SMARCA1: variants seen among roughly 807,000 people sequenced by gnomAD.
SMARCA1 encodes the protein SWI/SNF-related matrix-associated actin-dependent regulator of chromatin subfamily A member 1.
SMARCA1 carries 17 observed loss-of-function variants against 93.6 expected under a neutral mutation model. The observed-to-expected ratio is 0.18, with a 90% CI of 0.12 to 0.27. The LOEUF is 0.27. SMARCA1 is among the 10% of genes least tolerant of loss of function. The probability of loss-of-function intolerance (pLI) is 1.00; values close to 1 mark genes in which losing one functional copy is unlikely to be tolerated. For synonymous variants in SMARCA1, 271 were observed against 271.4 expected (o/e 1.00, Z 0.01); for missense variants, 630 against 819.0 (o/e 0.77, Z 2.82).
intron 23 of SMARCA1, among the ~76,000 whole-genome samples, chrX:129,451,215 C>T (rs929319012): frequency 8.9e-6 from 1 of 111,841 alleles, no homozygotes; most frequent in Non-Finnish European, 1.9e-5. Flanking sequence ...TTCTCCATAG[C>T]TTCATTCAAT....
chrX:129,486,782 G>C (rs1933905742), intron 17 of SMARCA1, among the ~76,000 whole-genome samples: 1 of 107,299 alleles, frequency 9.3e-6, no homozygotes, highest in Admixed American at 1.0e-4. Context: ...AGTAGTAGTA[G>C]TAGCAGCAGC....
intron 23 of SMARCA1, among the ~76,000 whole-genome samples, chrX:129,461,419 C>T (rs1184716025): frequency 8.9e-6 from 1 of 111,743 alleles, no homozygotes; most frequent in Admixed American, 9.5e-5. Context: ...ATTTTGGGTA[C>T]TCTTTCCACA....
intron 23 of SMARCA1, among the ~76,000 whole-genome samples, chrX:129,456,842 C>G (rs1014348047): frequency 8.9e-6 from 1 of 112,144 alleles, no homozygotes; most frequent in Non-Finnish European, 1.9e-5. Flanking sequence ...GGGAAGGCAT[C>G]TACTCCTGGT....
At chrX:129,454,960 T>TA (rs1932531060) in intron 23 of SMARCA1, among the ~76,000 whole-genome samples, 1 of 111,726 alleles carries the variant, frequency 9.0e-6, no homozygotes, top group African/African-American at 3.3e-5. Context: ...AAACAACAGA[T>TA]GCTGGAGAGG....
At chrX:129,492,797 G>C (rs1236523617) in intron 13 of SMARCA1, among the ~76,000 whole-genome samples, 2 of 111,276 alleles carry the variant, frequency 1.8e-5, no homozygotes, top group African/African-American at 6.5e-5. Flanking sequence ...ACAACTCACA[G>C]AACAAATACA....
Position 129,512,591 on chromosome X carries a change from A to G in SMARCA1, c.631-608T>C, listed in dbSNP as rs774279100. 3.6e-5 allele frequency among the ~76,000 whole-genome samples: 4 copies of G among 111,764 alleles called. No homozygotes were observed. The East Asian group carries it at 1.1e-3, about 31-fold the overall frequency. ...ATATATTCAATATCTATGAACCCATACCTAACCCATAAGAAAGGGAACTAA... is the reference window on the plus strand; with the variant it reads ...ATATATTCAATATCTATGAACCCATGCCTAACCCATAAGAAAGGGAACTAA... On this transcript the variant is annotated intron_variant, in intron 5 of 24. Transcript: ENST00000371121.
rs1934359849 is a variant in SMARCA1 at position 129,497,017 on chromosome X, AC to A, written c.1505-147del. ...CACACGTGCACACACACACACACAC[AC>A]ACACCCCCACACACCTTCAAGAGAT... On this transcript the variant is annotated intron_variant, in intron 11 of 24. Coordinates refer to ENST00000371121, the MANE Select transcript of SMARCA1 (RefSeq NM_001282874.2). The A allele has an allele frequency of 6.2e-5, 26 of 419,059 alleles. No homozygotes were observed. In the East Asian group the frequency reaches 9.1e-4, roughly 15 times the overall value. The allele number at this position is 419,059 out of a possible 1,213,427, so 34.5% of individuals were successfully genotyped here.
chrX:129,494,070 T>C (rs905115300), intron 12 of SMARCA1, among the ~76,000 whole-genome samples: 2 of 112,174 alleles, frequency 1.8e-5, no homozygotes, highest in Non-Finnish European at 3.8e-5. Context: ...CTTTGCTATA[T>C]TTAAAGTCAA....
intron 19 of SMARCA1, among the ~76,000 whole-genome samples, chrX:129,478,894 G>A (rs1021587321): frequency 8.9e-6 from 1 of 111,781 alleles, no homozygotes; most frequent in Admixed American, 9.5e-5. Context: ...TGCAGAAAGA[G>A]CCCAGAACGT....
Position 129,508,012 on chromosome X carries a change from C to A in SMARCA1, c.895G>T (p.Val299Leu), listed in dbSNP as rs780571808. 1 of 1,180,075 alleles carries A rather than the reference C, an allele frequency of 8.5e-7. No individual in the cohort carries two copies. The highest frequency in any genetic ancestry group is 1.1e-6 in the Non-Finnish European group (1 of 871,107). The part of the protein sequence containing the change: ...SYEMVIKEKS[V>L]FKKFHWRYLV... ...TATCGCCAGTGAAACTTTTTGAATA[C>A]AGATTTTTCTTTAATTACCATCTCA... The change falls in exon 7 of 25, where the codon GTA becomes TTA. Residue 299 changes from valine to leucine, a missense_variant. By Grantham distance (32) the Val-to-Leu change is conservative. Coordinates refer to ENST00000371121, the MANE Select transcript of SMARCA1 (RefSeq NM_001282874.2).
intron 23 of SMARCA1, among the ~76,000 whole-genome samples, chrX:129,449,941 T>C (rs1209547003): frequency 8.9e-6 from 1 of 112,975 alleles, no homozygotes; most frequent in East Asian, 2.8e-4. Context: ...TACATGCTTG[T>C]GTGCATGTGC....
intron 23 of SMARCA1, among the ~76,000 whole-genome samples, chrX:129,459,789 T>C (rs1280032953): frequency 8.9e-6 from 1 of 112,369 alleles, no homozygotes; most frequent in Non-Finnish European, 1.9e-5. Context: ...ACAACAGTTC[T>C]ATGCCCATTT....
rs1203226060 is a variant in SMARCA1 at position 129,523,248 on chromosome X, G to T, written c.123C>A (p.Ala41=). Residue 41 remains alanine (A), a synonymous_variant, in exon 1 of 25, where the codon GCC becomes GCA. Coordinates refer to ENST00000371121, the MANE Select transcript of SMARCA1 (RefSeq NM_001282874.2). Reference sequence around the variant, plus strand: ...TGGCCGCGGTGGCTTCGGTGGCCGCGGCGGCCGCTCCCTCCTCCTGAGAGG... The same window carrying T: ...TGGCCGCGGTGGCTTCGGTGGCCGCTGCGGCCGCTCCCTCCTCCTGAGAGG... ...PSTSQEEGAA[A]AATEATAATE... is the part of the protein sequence containing the mutation. The T allele has an allele frequency of 8.3e-7, 1 of 1,210,538 alleles. No homozygotes were observed. Among genetic ancestry groups the T allele is most frequent in the African/African-American group, 1.7e-5 (1 of 57,721 alleles).
chrX:129,471,020 C>A (rs1243146444), intron 20 of SMARCA1, among the ~76,000 whole-genome samples, 184 bp downstream of exon 20: 1 of 111,915 alleles, frequency 8.9e-6, no homozygotes, highest in Non-Finnish European at 1.9e-5. Flanking sequence ...TCCAAAAGGG[C>A]ATATTCTATA....
intron 9 of SMARCA1, among the ~76,000 whole-genome samples, chrX:129,504,151 G>A (rs1362916715): frequency 1.8e-5 from 2 of 110,849 alleles, no homozygotes; most frequent in Admixed American, 9.6e-5. Context: ...GGTGGCACAC[G>A]CCTGTAATCC....
At chrX:129,483,719 T>C (rs1009862128) in intron 17 of SMARCA1, among the ~76,000 whole-genome samples, 1 of 111,887 alleles carries the variant, frequency 8.9e-6, no homozygotes, top group Non-Finnish European at 1.9e-5. Context: ...CATACCGAAT[T>C]AGTTTACTTT....
chrX:129,481,493 T>C (rs1284611378), intron 17 of SMARCA1, among the ~76,000 whole-genome samples: 1 of 112,197 alleles, frequency 8.9e-6, no homozygotes, highest in Non-Finnish European at 1.9e-5. Flanking sequence ...AGGTAGCTAA[T>C]ATAGACGGAA....
At chrX:129,510,617 C>T (rs957453029) in intron 6 of SMARCA1, among the ~76,000 whole-genome samples, 2 of 111,597 alleles carry the variant, frequency 1.8e-5, no homozygotes, top group African/African-American at 6.5e-5. Flanking sequence ...CCCAGCCTCC[C>T]CAGGAAGTAG....
intron 23 of SMARCA1, among the ~76,000 whole-genome samples, chrX:129,461,238 TAAA>T (rs1932801233): frequency 8.9e-6 from 1 of 111,856 alleles, no homozygotes; most frequent in Non-Finnish European, 1.9e-5. Context: ...CCCCAGAGGT[TAAA>T]AGGTAAGAAT....
Sources: allele counts gnomAD v4.1 joint callset (sites outside exome capture counted in the v4.1 genomes callset), GRCh38; gene constraint gnomAD v4.1.1; transcripts MANE v1.5; gene names NCBI Gene and HGNC (gene_info 2026-07-23, HGNC 2026-07-21).